Variants in XRCC1 observed in about 807,000 individuals in gnomAD.
XRCC1 encodes the protein X-ray repair cross complementing 1.
A neutral mutation model predicts 83.3 loss-of-function variants in XRCC1; 52 were observed. The observed-to-expected ratio is 0.62, with a 90% CI of 0.50 to 0.79. The LOEUF is 0.79. Among genes scored for constraint, XRCC1 ranks in the 30% least tolerant of loss-of-function variants. The probability of loss-of-function intolerance (pLI) is 0.00; values close to 1 mark genes in which losing one functional copy is unlikely to be tolerated. For synonymous variants in XRCC1, 281 were observed against 312.6 expected, an observed-to-expected ratio of 0.90 and a Z score of 1.07; for missense variants, 793 against 823.5, an observed-to-expected ratio of 0.96 and a Z score of 0.45.
Position 43,551,635 on chromosome 19 carries a change from G to C in XRCC1, c.1135C>G (p.Arg379Gly), listed in dbSNP as rs753502477. 6.2e-7 allele frequency: 1 copy of C among 1,614,220 alleles called. No homozygotes were observed. ...AGCACCCACTCCTTACGCACGATGC[G>C]GCCTCCCAGGCCTAGGACCTGGCTG... The part of the protein sequence containing the change: ...KYSQVLGLGG[R>G]IVRKEWVLDC... The change falls in exon 10 of 17, where the codon CGC becomes GGC. Residue 379 changes from arginine (R) to glycine (G), a missense_variant. By Grantham distance (125) the Arg-to-Gly change is moderately radical. Transcript: ENST00000262887.
In XRCC1 at chr19:43,573,081, C is replaced by T. The variant is rs3213256; in HGVS notation, c.144+1829G>A. ...CCTGGTAGCTGGGACTACAGGCATA[C>T]GCCACCAAGCCCAGCTATTTTTTAT... is the stretch of plus-strand genomic sequence containing the variant. On this transcript the variant is annotated intron_variant, in intron 2 of 16. Transcript: ENST00000262887. Among the ~76,000 whole-genome samples the T allele has an allele frequency of 1.3e-3, 195 of 151,936 alleles. 2 individuals are homozygous for T. In the Middle Eastern group the frequency reaches 0.027, roughly 21 times the overall value.
chr19:43,544,200 C>T lies in XRCC1; in HGVS notation c.1656G>A (p.Gly552=). The change falls in exon 15 of 17, where the codon GGG becomes GGA. Residue 552 remains glycine, a synonymous_variant. Coordinates refer to ENST00000262887, the MANE Select transcript of XRCC1 (RefSeq NM_006297.3). The part of the protein sequence containing the change: ...FFQGKHFFLY[G]EFPGDERRKL... ...TCCGCCGCTCGTCCCCAGGGAACTCCCCGTAAAGAAAGAAGTGCTTGCCCT... is the reference window on the plus strand; with the variant it reads ...TCCGCCGCTCGTCCCCAGGGAACTCTCCGTAAAGAAAGAAGTGCTTGCCCT... 6.2e-7 allele frequency: 1 copy of T among 1,611,086 alleles called. No individual in the cohort carries two copies. The highest frequency in any genetic ancestry group is 8.5e-7 in the Non-Finnish European group (1 of 1,178,754).
intron 14 of XRCC1, 49 bp from the exon 15 acceptor site, chr19:43,544,283 C>G: frequency 6.6e-7 from 1 of 1,523,406 alleles, no homozygotes; most frequent in Non-Finnish European, 9.0e-7. Flanking sequence ...CAGGAGTTCC[C>G]AGGCACCAAA....
intron 3 of XRCC1, among the ~76,000 whole-genome samples, chr19:43,560,169 T>C (rs1414034793): frequency 1.3e-5 from 2 of 151,288 alleles, no homozygotes; most frequent in Non-Finnish European, 2.9e-5. Flanking sequence ...GGCGGGCAGA[T>C]GACGAGGTCA....
rs3213398 is a variant in XRCC1 at position 43,543,579 on chromosome 19, G to A, written c.1788+33C>T. ...ACGGAGGAGATGCAAAGGTGTGCCCGGGTCTCCCATTCTCTGCCTCTTTGG... is the reference window on the plus strand; with the variant it reads ...ACGGAGGAGATGCAAAGGTGTGCCCAGGTCTCCCATTCTCTGCCTCTTTGG... On this transcript the variant is annotated intron_variant, in intron 16 of 16. Coordinates refer to ENST00000262887, the MANE Select transcript of XRCC1 (RefSeq NM_006297.3). The A allele has an allele frequency of 2.9e-4, 469 of 1,613,512 alleles. 3 individuals are homozygous for A. In the East Asian group the frequency reaches 9.9e-3, roughly 34 times the overall value.
intron 10 of XRCC1, among the ~76,000 whole-genome samples, chr19:43,547,935 C>A (rs886482507): frequency 6.6e-6 from 1 of 152,236 alleles, no homozygotes; most frequent in African/African-American, 2.4e-5. Flanking sequence ...AAAGCAAACA[C>A]ATTTTAAAGA....
chr19:43,573,125 G>T (rs1181027515), intron 2 of XRCC1, among the ~76,000 whole-genome samples: 1 of 151,600 alleles, frequency 6.6e-6, no homozygotes, highest in Non-Finnish European at 1.5e-5. Flanking sequence ...GTAGAGATAG[G>T]GTTTCCCCAT....
In XRCC1 at chr19:43,546,586, G is replaced by C. The variant is rs1476768741; in HGVS notation, c.1426+9C>G. ...CCAGGCCCCAGCCCCTCCTCCCTCA[G>C]AGTCTGACCTGACTGTACCCCCTCA... is the stretch of plus-strand genomic sequence containing the variant. On this transcript the variant is annotated intron_variant, in intron 12 of 16. Transcript: ENST00000262887. 1.3e-6 allele frequency: 2 copies of C among 1,599,964 alleles called. No homozygotes were observed. The highest frequency in any genetic ancestry group is 2.7e-5 in the African/African-American group (2 of 73,918).
intron 2 of XRCC1, among the ~76,000 whole-genome samples, chr19:43,565,861 C>A (rs1972746893): frequency 6.6e-6 from 1 of 151,752 alleles, no homozygotes; most frequent in South Asian, 2.1e-4. Flanking sequence ...ATTACTTGAA[C>A]CTGGGAGGTG....
At chr19:43,552,737 G>C (rs557595960) in intron 8 of XRCC1, 60 bp downstream of exon 8, 1 of 1,458,282 alleles carries the variant, frequency 6.9e-7, no homozygotes, top group Non-Finnish European at 9.2e-7. Flanking sequence ...CTCCAGCCCC[G>C]CTTCCCCTAG....
chr19:43,547,115 A>C (rs759397916), intron 10 of XRCC1, 138 bp from the exon 11 acceptor site: 1 of 834,608 alleles, frequency 1.2e-6, no homozygotes, highest in Non-Finnish European at 1.8e-6. Flanking sequence ...ATTCTCTCCC[A>C]GCTCAGGAAG....
In XRCC1 at chr19:43,545,549, AAGG is replaced by A. The variant is rs764604965; in HGVS notation, c.1621+266_1621+268del. Reference sequence around the variant, plus strand: ...GGGCCCTCACCCCTGACGTGAAAAAAAGGAGGTCACACCTGGCACATGGCTGCG... The same window carrying A: ...GGGCCCTCACCCCTGACGTGAAAAAAAGGTCACACCTGGCACATGGCTGCG... On this transcript the variant is annotated intron_variant, in intron 14 of 16. Coordinates refer to ENST00000262887, the MANE Select transcript of XRCC1 (RefSeq NM_006297.3). Among the ~76,000 whole-genome samples the A allele has an allele frequency of 1.8e-4, 27 of 152,310 alleles. 1 individual carries two copies. The East Asian group carries it at 4.1e-3, about 23-fold the overall frequency.
At chr19:43,572,615 T>G (rs1972815346) in intron 2 of XRCC1, among the ~76,000 whole-genome samples, 1 of 152,178 alleles carries the variant, frequency 6.6e-6, no homozygotes, top group Admixed American at 6.5e-5. Context: ...TCATTTGCCT[T>G]GAACTCCTGA....
intron 2 of XRCC1, among the ~76,000 whole-genome samples, chr19:43,563,616 C>A (rs1368766399): frequency 6.6e-6 from 1 of 152,194 alleles, no homozygotes; most frequent in African/African-American, 2.4e-5. Flanking sequence ...AACAGTCTGG[C>A]TCCTTCCCAC....
At chr19:43,572,868 G>A (rs1478821412) in intron 2 of XRCC1, among the ~76,000 whole-genome samples, 1 of 147,360 alleles carries the variant, frequency 6.8e-6, no homozygotes, top group African/African-American at 2.5e-5. Context: ...CAACCAAGTT[G>A]TATTAACTTA....
At chr19:43,554,861 C>T (rs957320137) in intron 3 of XRCC1, 57 bp from the exon 4 acceptor site, 1 of 1,560,770 alleles carries the variant, frequency 6.4e-7, no homozygotes, top group African/African-American at 1.4e-5. Context: ...TAGATGAGAG[C>T]TTCTAGGGGC....
At chr19:43,550,336 C>G (rs187486492) in intron 10 of XRCC1, among the ~76,000 whole-genome samples, 11 of 151,926 alleles carry the variant, frequency 7.2e-5, no homozygotes, top group African/African-American at 2.2e-4. Flanking sequence ...ATGACTGCAG[C>G]GAAATGAGTT....
At chr19:43,562,737 T>C (rs1972713173) in intron 2 of XRCC1, among the ~76,000 whole-genome samples, 1 of 151,960 alleles carries the variant, frequency 6.6e-6, no homozygotes. Context: ...GATGAGACCT[T>C]GTCTTCAAAA....
Position 43,543,788 on chromosome 19 carries a change from C to T in XRCC1, c.1713-101G>A, listed in dbSNP as rs1972480587. 20 of 1,105,930 alleles carry T rather than the reference C, an allele frequency of 1.8e-5. No homozygotes were observed. The South Asian group carries it at 2.7e-4, about 15-fold the overall frequency. 68.5% of individuals were successfully genotyped at this position (1,105,930 alleles called of 1,614,324 possible). A position where few individuals can be genotyped will look rare whatever the true frequency, so the allele number is the denominator to read the frequency against. On this transcript the variant is annotated intron_variant, in intron 15 of 16. Transcript: ENST00000262887. ...AATGGCTGTCCCCACACTGTCCCCA[C>T]CTATGCGCCTCTAGGTTGCCTCTAG...
Sources: gnomAD v4.1 joint callset for allele counts (sites outside exome capture counted in the v4.1 genomes callset) on GRCh38, gnomAD v4.1.1 for gene constraint, MANE v1.5 for transcripts, NCBI Gene and HGNC (gene_info 2026-07-23, HGNC 2026-07-21) for gene names.